Variants in EPHA6 observed in about 807,000 individuals in gnomAD.
EPHA6 encodes the protein ephrin type-A receptor 6.
EPHA6 carries 50 observed loss-of-function variants against 112.0 expected under a neutral mutation model. The ratio of observed to expected loss-of-function variants is 0.45; its 90% CI spans 0.36 to 0.56. The LOEUF (loss-of-function observed/expected upper bound fraction) is 0.56, where lower values mean the gene tolerates loss of function less well. Among genes scored for constraint, EPHA6 ranks in the 20% least tolerant of loss-of-function variants. EPHA6 has a pLI of 0.00. For synonymous variants in EPHA6, 529 were observed against 490.7 expected (o/e 1.08, Z -1.03); for missense variants, 1,280 against 1,417.4 (o/e 0.90, Z 1.56).
intron 2 of EPHA6, among the ~76,000 whole-genome samples, chr3:96,871,083 T>A (rs1200844697): frequency 6.6e-6 from 1 of 152,050 alleles, no homozygotes; most frequent in Non-Finnish European, 1.5e-5. Context: ...ATATTTTTTC[T>A]TCTTAGAAAC....
At chr3:96,979,707 C>A (rs2042679764) in intron 2 of EPHA6, among the ~76,000 whole-genome samples, 2 of 152,286 alleles carry the variant, frequency 1.3e-5, no homozygotes, top group South Asian at 4.1e-4. Context: ...TCCTCTCCAG[C>A]ACCTGTTGTT....
chr3:97,287,072 T>C (rs776222145), intron 5 of EPHA6, among the ~76,000 whole-genome samples: 9 of 152,182 alleles, frequency 5.9e-5, no homozygotes, highest in Non-Finnish European at 1.0e-4. Context: ...GACATGCCAC[T>C]GATTTTTGTA....
At chr3:97,135,843 G>A (rs562209774) in intron 3 of EPHA6, among the ~76,000 whole-genome samples, 10 of 151,090 alleles carry the variant, frequency 6.6e-5, no homozygotes, top group East Asian at 5.8e-4. Flanking sequence ...TCAACTAGAC[G>A]CTGGATTAAA....
intron 14 of EPHA6, among the ~76,000 whole-genome samples, chr3:97,705,931 T>A (rs1212978679): frequency 6.6e-6 from 1 of 152,214 alleles, no homozygotes; most frequent in African/African-American, 2.4e-5. Flanking sequence ...GCTCCAGTGA[T>A]GTCCTCCAAG....
intron 3 of EPHA6, among the ~76,000 whole-genome samples, chr3:97,114,112 A>C (rs975583178): frequency 6.6e-6 from 1 of 152,112 alleles, no homozygotes; most frequent in African/African-American, 2.4e-5. Flanking sequence ...TGGATTTAGC[A>C]GAAGTAGTGG....
At chr3:96,906,003 A>G (rs2038915040) in intron 2 of EPHA6, among the ~76,000 whole-genome samples, 1 of 152,144 alleles carries the variant, frequency 6.6e-6, no homozygotes, top group South Asian at 2.1e-4. Flanking sequence ...CTATGGCAAC[A>G]ACTTTTTCTC....
intron 3 of EPHA6, among the ~76,000 whole-genome samples, chr3:97,067,537 A>AAT (rs10544034): frequency 0.057 from 8,459 of 147,938 alleles, 603 homozygotes; most frequent in African/African-American, 0.17. Context: ...TTATCAGGAA[A>AAT]ATATATATAT....
intron 3 of EPHA6, among the ~76,000 whole-genome samples, chr3:97,111,253 A>C (rs988449062): frequency 4.6e-5 from 7 of 152,166 alleles, no homozygotes; most frequent in African/African-American, 1.7e-4. Flanking sequence ...TTTATTCATG[A>C]ATTTCTTCAT....
At chr3:96,916,261 C>T (rs1220507689) in intron 2 of EPHA6, among the ~76,000 whole-genome samples, 1 of 152,044 alleles carries the variant, frequency 6.6e-6, no homozygotes, top group African/African-American at 2.4e-5. Flanking sequence ...AAGTGATCAA[C>T]GTTGTAAATA....
At chr3:97,599,864 G>A (rs934318121) in intron 12 of EPHA6, among the ~76,000 whole-genome samples, 14 of 152,124 alleles carry the variant, frequency 9.2e-5, no homozygotes, top group African/African-American at 3.4e-4. Flanking sequence ...GAGCAGTATG[G>A]CCATGTTCAT....
At chr3:97,274,107 G>A (rs2079984971) in intron 5 of EPHA6, among the ~76,000 whole-genome samples, 2 of 152,158 alleles carry the variant, frequency 1.3e-5, no homozygotes, top group South Asian at 4.1e-4. Context: ...CAGGCTAGCG[G>A]CTTATAACCT....
At chr3:96,929,593 G>T (rs1476594240) in intron 2 of EPHA6, among the ~76,000 whole-genome samples, 1 of 152,188 alleles carries the variant, frequency 6.6e-6, no homozygotes, top group South Asian at 2.1e-4. Flanking sequence ...TGAGAGGTCT[G>T]CCGTTCGTCT....
chr3:97,567,351 C>T (rs1044852012), intron 11 of EPHA6, among the ~76,000 whole-genome samples: 2 of 152,206 alleles, frequency 1.3e-5, no homozygotes, highest in African/African-American at 4.8e-5. Context: ...CATTGCACAA[C>T]TTTGGGGGAC....
At chr3:97,446,526 A>G (rs555939899) in intron 6 of EPHA6, among the ~76,000 whole-genome samples, 48 of 152,212 alleles carry the variant, frequency 3.2e-4, no homozygotes, top group Admixed American at 2.0e-3. Context: ...CTAAGAGTAA[A>G]CTTTTGAACC....
intron 10 of EPHA6, among the ~76,000 whole-genome samples, chr3:97,514,391 A>G (rs1045640855): frequency 6.6e-6 from 1 of 152,072 alleles, no homozygotes; most frequent in African/African-American, 2.4e-5. Context: ...AGTACGCTGA[A>G]CCTACTTGGA....
intron 1 of EPHA6, among the ~76,000 whole-genome samples, chr3:96,857,625 A>T (rs747777158): frequency 2.7e-4 from 41 of 152,088 alleles, no homozygotes; most frequent in Middle Eastern, 3.2e-3. Flanking sequence ...TTTAATGTGT[A>T]AATGATATGA....
chr3:96,904,158 G>A (rs1198684535), intron 2 of EPHA6, among the ~76,000 whole-genome samples: 8 of 151,970 alleles, frequency 5.3e-5, no homozygotes, highest in Non-Finnish European at 7.4e-5. Flanking sequence ...ACATGCACAC[G>A]TATGTTTATT....
chr3:97,427,891 G>T (rs1360446866), intron 6 of EPHA6, among the ~76,000 whole-genome samples: 1 of 152,038 alleles, frequency 6.6e-6, no homozygotes, highest in Non-Finnish European at 1.5e-5. Context: ...CACAAGGAAG[G>T]GAACAATAGA....
intron 14 of EPHA6, among the ~76,000 whole-genome samples, chr3:97,710,946 G>A (rs2033934538): frequency 6.6e-6 from 1 of 152,144 alleles, no homozygotes; most frequent in Non-Finnish European, 1.5e-5. Flanking sequence ...CCTAATGACA[G>A]GATCTAAATC....
Sources: gnomAD v4.1 joint callset for allele counts (sites outside exome capture counted in the v4.1 genomes callset) on GRCh38, gnomAD v4.1.1 for gene constraint, MANE v1.5 for transcripts, NCBI Gene and HGNC (gene_info 2026-07-23, HGNC 2026-07-21) for gene names.